Variants in WDR59 observed in about 807,000 individuals in gnomAD.
WDR59 encodes WD repeat domain 59.
WDR59 carries 100 observed loss-of-function variants against 131.2 expected under a neutral mutation model. The ratio of observed to expected loss-of-function variants is 0.76; its 90% CI spans 0.65 to 0.90. The LOEUF is 0.90. Ranked by LOEUF, WDR59 falls within the 40% of genes least tolerant of loss-of-function variation. WDR59 has a pLI of 0.00. For missense variants in WDR59, 1,203 were observed against 1,262.2 expected (o/e 0.95, Z 0.71); for synonymous variants, 601 against 466.2 (o/e 1.29, Z -3.72).
chr16:74,937,457 T>C (rs1246109437), intron 8 of WDR59, among the ~76,000 whole-genome samples: 5 of 152,226 alleles, frequency 3.3e-5, no homozygotes, highest in African/African-American at 1.2e-4. Context: ...CCTTTACTTA[T>C]ATCTGTCATA....
chr16:74,882,340 G>GC, intron 25 of WDR59, among the ~76,000 whole-genome samples: 1 of 152,218 alleles, frequency 6.6e-6, no homozygotes, highest in African/African-American at 2.4e-5. Flanking sequence ...AGCATTTTGT[G>GC]CCTTTACATT....
At chr16:74,945,553 A>G (rs998940177) in intron 6 of WDR59, among the ~76,000 whole-genome samples, 2 of 152,000 alleles carry the variant, frequency 1.3e-5, no homozygotes, top group African/African-American at 4.8e-5. Flanking sequence ...TCTGTAGACC[A>G]CCTGTATTTC....
intron 5 of WDR59, among the ~76,000 whole-genome samples, 185 bp downstream of exon 5, chr16:74,949,533 C>T (rs1048426150): frequency 3.3e-5 from 5 of 151,846 alleles, no homozygotes; most frequent in African/African-American, 1.2e-4. Flanking sequence ...GAGGTCCTGG[C>T]TCTCTTCTCT....
chr16:74,956,800 G>A (rs1217288521), intron 2 of WDR59, among the ~76,000 whole-genome samples, 190 bp from the exon 3 acceptor site: 1 of 152,164 alleles, frequency 6.6e-6, no homozygotes, highest in Non-Finnish European at 1.5e-5. Context: ...CACACAAAGG[G>A]AAGAAGTGTC....
chr16:74,969,751 G>A (rs1257633705), intron 1 of WDR59, among the ~76,000 whole-genome samples: 1 of 151,550 alleles, frequency 6.6e-6, no homozygotes, highest in East Asian at 1.9e-4. Flanking sequence ...GTATTTTTAG[G>A]GTTTCACCAT....
At chr16:74,915,353 C>T (rs1240919592) in intron 13 of WDR59, 1 of 152,740 alleles carries the variant, frequency 6.5e-6, no homozygotes, top group Non-Finnish European at 1.5e-5. Context: ...TTTGGCTCAT[C>T]TTAGGAGAAA....
intron 8 of WDR59, among the ~76,000 whole-genome samples, chr16:74,928,542 A>G (rs2031084313): frequency 6.6e-6 from 1 of 152,026 alleles, no homozygotes. Context: ...TTGTAAGGCC[A>G]GATTTACCTT....
chr16:74,886,027 A>G (rs1347591871), intron 24 of WDR59: 3 of 663,588 alleles, frequency 4.5e-6, no homozygotes, highest in African/African-American at 3.7e-5. Context: ...AAATACAAAA[A>G]ATTAGCCAGT....
chr16:74,933,581 T>C (rs2031570666), intron 8 of WDR59, among the ~76,000 whole-genome samples: 1 of 152,124 alleles, frequency 6.6e-6, no homozygotes, highest in African/African-American at 2.4e-5. Flanking sequence ...AATCATTTCT[T>C]ATCTTTATTT....
In WDR59 at chr16:74,874,327, T is replaced by A; in HGVS notation, c.2807A>T (p.Asn936Ile). The change falls in exon 26 of 26, where the codon AAT becomes ATT. Residue 936 changes from asparagine (N) to isoleucine (I), a missense_variant. By Grantham distance (149) the Asn-to-Ile change is moderately radical. Transcript: ENST00000262144. ...ICHVAVRGSS[N>I]FCLTCGHGGH... ...ACCGTGCCCACAGGTCAGGCAGAAATTGGACGATCCCCGCACAGCCACGTG... is the reference window on the plus strand; with the variant it reads ...ACCGTGCCCACAGGTCAGGCAGAAAATGGACGATCCCCGCACAGCCACGTG... 1 of 1,614,090 alleles carries A rather than the reference T, an allele frequency of 6.2e-7. No homozygotes were observed. Among genetic ancestry groups the A allele is most frequent in the Non-Finnish European group, 8.5e-7 (1 of 1,180,014 alleles).
At chr16:74,879,950 C>G (rs917870028) in intron 25 of WDR59, among the ~76,000 whole-genome samples, 3 of 152,094 alleles carry the variant, frequency 2.0e-5, no homozygotes, top group Non-Finnish European at 4.4e-5. Flanking sequence ...CTTTGGGAGG[C>G]TGAGGTGGAA....
At position 74,984,967 on chromosome 16, in the gene WDR59, G is replaced by C; in HGVS notation, c.51C>G (p.Ser17=). 1.2e-6 allele frequency: 2 copies of C among 1,603,844 alleles called. No homozygotes were observed. Among genetic ancestry groups the C allele is most frequent in the Non-Finnish European group, 1.7e-6 (2 of 1,175,526 alleles). Residue 17 remains serine, a synonymous_variant, in exon 1 of 26, where the codon TCC becomes TCG. Transcript: ENST00000262144. Reference sequence around the variant, plus strand: ...CTCCACTCGGCCTCTAGCTCACCTGGGAGTCACGGAACTCTACAACCACGT... The same window carrying C: ...CTCCACTCGGCCTCTAGCTCACCTGCGAGTCACGGAACTCTACAACCACGT... ...SENVVVEFRD[S]QATAMSVDCL... is the part of the protein sequence containing the mutation.
At chr16:74,952,746 G>A (rs2033076822) in intron 3 of WDR59, among the ~76,000 whole-genome samples, 1 of 150,406 alleles carries the variant, frequency 6.6e-6, no homozygotes, top group South Asian at 2.1e-4. Context: ...ACAACGGCAG[G>A]CTACTTAATA....
intron 18 of WDR59, chr16:74,899,691 A>G (rs1036194096): frequency 2.3e-6 from 3 of 1,289,010 alleles, no homozygotes; most frequent in African/African-American, 3.0e-5. Flanking sequence ...TGCACAGCGC[A>G]CAGTACCGGG....
intron 13 of WDR59, 24 bp downstream of exon 13, chr16:74,915,846 G>T: frequency 6.2e-7 from 1 of 1,614,170 alleles, no homozygotes; most frequent in Non-Finnish European, 8.5e-7. Context: ...GCAAACATGA[G>T]ATACAGTTGA....
At chr16:74,946,827 G>T (rs1304646519) in intron 6 of WDR59, among the ~76,000 whole-genome samples, 2 of 152,134 alleles carry the variant, frequency 1.3e-5, no homozygotes, top group Admixed American at 1.3e-4. Flanking sequence ...ATAAAAAGGC[G>T]TGGGGTACAG....
chr16:74,955,880 G>T (rs1187995948), intron 3 of WDR59, among the ~76,000 whole-genome samples: 2 of 152,056 alleles, frequency 1.3e-5, no homozygotes, highest in African/African-American at 2.4e-5. Flanking sequence ...CAGACAGGTT[G>T]TAGTCCAGAA....
chr16:74,975,389 A>C (rs138391622), intron 1 of WDR59, among the ~76,000 whole-genome samples: 2 of 151,456 alleles, frequency 1.3e-5, no homozygotes, highest in South Asian at 4.2e-4. Flanking sequence ...AAGGCTGGGC[A>C]CAGTGGCTTA....
intron 6 of WDR59, among the ~76,000 whole-genome samples, chr16:74,944,898 G>C (rs1229587653): frequency 1.3e-5 from 2 of 152,128 alleles, no homozygotes; most frequent in Admixed American, 6.6e-5. Context: ...GGCCGAGGCA[G>C]GTAGGCCACA....
Sources: allele counts gnomAD v4.1 joint callset (sites outside exome capture counted in the v4.1 genomes callset), GRCh38; gene constraint gnomAD v4.1.1; transcripts MANE v1.5; gene names NCBI Gene and HGNC (gene_info 2026-07-23, HGNC 2026-07-21).